NADK: variants seen among roughly 807,000 people sequenced by gnomAD.
NADK encodes poly(P)/ATP NAD kinase.
A neutral mutation model predicts 49.8 loss-of-function variants in NADK; 22 were observed. The observed-to-expected ratio is 0.44, with a 90% CI of 0.32 to 0.63. The LOEUF (loss-of-function observed/expected upper bound fraction) is 0.63. NADK is among the 30% of genes least tolerant of loss of function. NADK has a pLI of 0.06. For missense variants in NADK, 438 were observed against 609.4 expected (o/e 0.72, Z 2.96); for synonymous variants, 268 against 253.7 (o/e 1.06, Z -0.54).
chr1:1,753,514 T>C (rs1645399875), intron 11 of NADK, 53 bp downstream of exon 11: 4 of 1,510,022 alleles, frequency 2.6e-6, no homozygotes, highest in Non-Finnish European at 3.6e-6. Flanking sequence ...AGGCGCTGCC[T>C]GGCCCGGGGA....
chr1:1,773,291 C>G (rs373255494), intron 1 of NADK, among the ~76,000 whole-genome samples: 2 of 151,194 alleles, frequency 1.3e-5, no homozygotes, highest in Admixed American at 6.6e-5. Flanking sequence ...AGGTGCCCGC[C>G]GCCACACCCG....
rs1219284776 is a variant in NADK, at chr1:1,756,865, AC to A, written c.394-258del. ...AGGAGTGGCTTTCCTGGGCGCCGCA[AC>A]CCCCACGCCTGCTCTTCTGAAGAGA... On this transcript the variant is annotated intron_variant, in intron 4 of 11. Coordinates refer to ENST00000341426, the MANE Select transcript of NADK (RefSeq NM_023018.5). The A allele has an allele frequency of 7.4e-6, 6 of 809,146 alleles. No individual in the cohort carries two copies. The South Asian group carries it at 8.0e-5, about 11-fold the overall frequency. The allele number at this position is 809,146 out of a possible 1,614,324, so 50.1% of individuals were successfully genotyped here.
intron 1 of NADK, among the ~76,000 whole-genome samples, chr1:1,770,238 C>T (rs1382712606): frequency 6.6e-6 from 1 of 151,568 alleles, no homozygotes; most frequent in African/African-American, 2.4e-5. Flanking sequence ...CCAGAACCTA[C>T]AAAAACATGT....
At chr1:1,778,989 A>C (rs1166900174), upstream of NADK, among the ~76,000 whole-genome samples, 1 of 152,140 alleles carries the variant, frequency 6.6e-6, no homozygotes, top group Non-Finnish European at 1.5e-5. This position sits in a 1 kb window ranked among gnomAD's most constrained non-coding sequence, Gnocchi z 4.9. Context: ...GGGAACCGAA[A>C]CTTAGAGCAG....
chr1:1,759,168 C>T lies in NADK; in HGVS notation c.264-1858G>A, dbSNP rs562299074. The T allele has an allele frequency of 7.0e-6, 11 of 1,564,032 alleles. No individual in the cohort carries two copies. The highest frequency in any genetic ancestry group is 3.3e-4 in the Middle Eastern group (2 of 6,008). ...TGAGCCCAGCCAGAGCCACCAGCAG[C>T]GGCGTCGTACACCGGCCCAGGCACC... is the stretch of plus-strand genomic sequence containing the variant. On this transcript the variant is annotated intron_variant, in intron 3 of 11. Transcript: ENST00000341426.
At chr1:1,760,759 G>A (rs1043918670) in intron 3 of NADK, among the ~76,000 whole-genome samples, 1 of 151,474 alleles carries the variant, frequency 6.6e-6, no homozygotes, top group African/African-American at 2.4e-5. Flanking sequence ...AGTCCCAGAA[G>A]CAAAGGCTTC....
chr1:1,756,855 G>A (rs1335996704), intron 4 of NADK: 4 of 826,864 alleles, frequency 4.8e-6, no homozygotes, highest in Non-Finnish European at 8.4e-6. Flanking sequence ...TGGCTTTCCT[G>A]GGCGCCGCAA....
chr1:1,769,969 CAAAACAAAAACA>C (rs143674742), intron 1 of NADK, among the ~76,000 whole-genome samples: 61,426 of 147,224 alleles, frequency 0.42, 14,902 homozygotes, highest in Admixed American at 0.57. Context: ...TCCCAGCACT[CAAAACAAAAACA>C]AAAACAAAAA....
chr1:1,752,711 A>T lies in NADK; in HGVS notation c.*193T>A. 1.6e-6 allele frequency: 1 copy of T among 637,490 alleles called. No individual in the cohort carries two copies. The highest frequency in any genetic ancestry group is 2.6e-6 in the Non-Finnish European group (1 of 390,678). 39.5% of individuals were successfully genotyped at this position (637,490 alleles called of 1,614,324 possible). On this transcript the variant is annotated 3_prime_UTR_variant, in exon 12 of 12. Coordinates refer to ENST00000341426, the MANE Select transcript of NADK (RefSeq NM_023018.5). ...CAGCCCATTTCTCACGCTTCTTTAG[A>T]AATGCAAAAAAAGTCAGACATTTTA...
At chr1:1,771,101 A>C (rs554121288) in intron 1 of NADK, among the ~76,000 whole-genome samples, 2 of 147,752 alleles carry the variant, frequency 1.4e-5, no homozygotes, top group Non-Finnish European at 3.0e-5. Flanking sequence ...TATATTATTA[A>C]AAATATATAT....
At chr1:1,755,623 A>T in intron 6 of NADK, 147 bp from the exon 7 acceptor site, 4 of 656,696 alleles carry the variant, frequency 6.1e-6, no homozygotes, top group Non-Finnish European at 1.1e-5. Flanking sequence ...GGACAAGCGG[A>T]GGGGGACGTC....
At chr1:1,768,941 G>A (rs1237356974) in intron 1 of NADK, among the ~76,000 whole-genome samples, 1 of 152,146 alleles carries the variant, frequency 6.6e-6, no homozygotes, top group East Asian at 1.9e-4. Context: ...TCTCTCTCTG[G>A]CTGCATTCTA....
chr1:1,756,300 C>G lies in NADK; in HGVS notation c.543G>C (p.Leu181=), dbSNP rs1300016644. ...CGTACAGCAGCGTCCCGTCTCCCCC[C>G]AGGCAGATGATGAAGTCTATCTGAT... ...ISNQIDFIIC[L]GGDGTLLYAS... is the part of the protein sequence containing the mutation. The change falls in exon 6 of 12, where the codon CTG becomes CTC. Residue 181 remains leucine (L), a synonymous_variant. Coordinates refer to ENST00000341426, the MANE Select transcript of NADK (RefSeq NM_023018.5). The G allele has an allele frequency of 1.2e-6, 2 of 1,614,192 alleles. No homozygotes were observed. Among genetic ancestry groups the G allele is most frequent in the Non-Finnish European group, 1.7e-6 (2 of 1,180,036 alleles).
intron 1 of NADK, among the ~76,000 whole-genome samples, chr1:1,773,580 G>A (rs1022043198): frequency 9.9e-5 from 15 of 151,596 alleles, no homozygotes; most frequent in South Asian, 6.3e-4. Context: ...GCAAGACCCC[G>A]TCTCTACAAA....
intron 2 of NADK, among the ~76,000 whole-genome samples, chr1:1,763,934 C>T (rs1645806778): frequency 1.3e-5 from 2 of 152,236 alleles, no homozygotes; most frequent in African/African-American, 4.8e-5. Flanking sequence ...CAAAGCAATT[C>T]TGTTCACGCA....
intron 1 of NADK, among the ~76,000 whole-genome samples, chr1:1,777,566 T>C (rs1047958718): frequency 2.0e-5 from 3 of 151,832 alleles, no homozygotes; most frequent in Non-Finnish European, 2.9e-5. Context: ...GAAAAATAAC[T>C]TGTTACTCGG....
intron 3 of NADK, chr1:1,758,983 G>T: frequency 7.6e-7 from 1 of 1,309,020 alleles, no homozygotes; most frequent in Non-Finnish European, 1.0e-6. Flanking sequence ...GCGTCACTCT[G>T]CTTGGCTCCG....
At chr1:1,765,057 AT>A (rs1281342481) in intron 2 of NADK, among the ~76,000 whole-genome samples, 170 bp downstream of exon 2, 1 of 152,250 alleles carries the variant, frequency 6.6e-6, no homozygotes, top group Non-Finnish European at 1.5e-5. Flanking sequence ...GCAGGTGTCC[AT>A]GGGCCAGGAT....
At chr1:1,755,190 G>A (rs1436111055) in intron 7 of NADK, among the ~76,000 whole-genome samples, 184 bp downstream of exon 7, 1 of 152,198 alleles carries the variant, frequency 6.6e-6, no homozygotes, top group Non-Finnish European at 1.5e-5. Flanking sequence ...TTCAACCTGT[G>A]ATCTGCTGAA....
Sources: allele counts gnomAD v4.1 joint callset (sites outside exome capture counted in the v4.1 genomes callset), GRCh38; gene constraint gnomAD v4.1.1; non-coding constraint Gnocchi (gnomAD v3.1); transcripts MANE v1.5; gene names NCBI Gene and HGNC (gene_info 2026-07-23, HGNC 2026-07-21).